The following MORC1 variants were observed in gnomAD, a reference collection of about 807,000 sequenced individuals.
The protein encoded by MORC1 is MORC family CW-type zinc finger protein 1.
In MORC1, 59 loss-of-function variants were observed where a neutral mutation model predicts 134.9. The ratio of observed to expected loss-of-function variants is 0.44; its 90% CI spans 0.35 to 0.54. The LOEUF is 0.54. Ranked by LOEUF, MORC1 falls within the 20% of genes least tolerant of loss-of-function variation. MORC1 has a pLI of 0.00. For missense variants in MORC1, 947 were observed against 1,134.5 expected (o/e 0.83, Z 2.37); for synonymous variants, 395 against 391.7 (o/e 1.01, Z -0.10).
At chr3:109,098,492 C>A (rs994201711) in intron 6 of MORC1, among the ~76,000 whole-genome samples, 2 of 152,292 alleles carry the variant, frequency 1.3e-5, no homozygotes, top group East Asian at 1.9e-4. Context: ...CAGTCCTACA[C>A]CGTCCATCCA....
chr3:109,069,883 A>G (rs1037458638), intron 8 of MORC1, 126 bp from the exon 9 acceptor site: 3 of 1,008,762 alleles, frequency 3.0e-6, no homozygotes, highest in Non-Finnish European at 4.1e-6. Flanking sequence ...CTTTTCTTCT[A>G]AAACTAATGA....
Position 108,958,299 on chromosome 3 carries a change from C to G in MORC1, c.*666G>C, listed in dbSNP as rs1422592442. Reference sequence around the variant, plus strand: ...GTCTAAAGTTTCAGACATTTCTAAACAAAAAAAAAACACTTATCAAGAAAA... The same window carrying G: ...GTCTAAAGTTTCAGACATTTCTAAAGAAAAAAAAAACACTTATCAAGAAAA... On this transcript the variant is annotated 3_prime_UTR_variant, in exon 28 of 28. Coordinates refer to ENST00000232603, the MANE Select transcript of MORC1 (RefSeq NM_014429.4). 7.1e-6 allele frequency: 1 copy of G among 140,082 alleles called. No homozygotes were observed. Among genetic ancestry groups the G allele is most frequent in the Non-Finnish European group, 1.6e-5 (1 of 63,772 alleles). 8.7% of individuals were successfully genotyped at this position (140,082 alleles called of 1,614,324 possible).
At chr3:109,058,594 T>C (rs749757980) in intron 12 of MORC1, among the ~76,000 whole-genome samples, 2 of 152,060 alleles carry the variant, frequency 1.3e-5, no homozygotes, top group Non-Finnish European at 2.9e-5. Flanking sequence ...ATGATATATA[T>C]ATATAGAACA....
At chr3:109,000,512 A>G (rs899520823) in intron 21 of MORC1, 45 bp downstream of exon 21, 1 of 1,394,870 alleles carries the variant, frequency 7.2e-7, no homozygotes, top group Non-Finnish European at 9.9e-7. Context: ...AATCTTTGTG[A>G]ATATGAAAAT....
intron 17 of MORC1, among the ~76,000 whole-genome samples, chr3:109,020,696 C>T (rs1948936756): frequency 6.8e-6 from 1 of 147,802 alleles, no homozygotes; most frequent in Admixed American, 6.8e-5. Context: ...AACCCGGGGG[C>T]AGAGCTTGCA....
intron 17 of MORC1, among the ~76,000 whole-genome samples, chr3:109,025,390 T>C (rs1284338811): frequency 6.4e-5 from 9 of 139,746 alleles, no homozygotes; most frequent in Middle Eastern, 3.6e-3. Context: ...TTTTTTTTTT[T>C]TTTTTTTTTT....
At chr3:109,111,043 T>A (rs1307572229) in intron 2 of MORC1, among the ~76,000 whole-genome samples, 3 of 65,230 alleles carry the variant, frequency 4.6e-5, no homozygotes, top group Non-Finnish European at 6.5e-5. Flanking sequence ...ACAAAATGGA[T>A]ATAATTTAAA....
At chr3:108,978,960 A>C (rs1947638140) in intron 24 of MORC1, among the ~76,000 whole-genome samples, 1 of 152,036 alleles carries the variant, frequency 6.6e-6, no homozygotes. Context: ...GACTTCTTTG[A>C]CTTGATTTTA....
chr3:109,009,204 G>GT lies in MORC1; in HGVS notation c.1705-2114dup, dbSNP rs1207320361. On this transcript the variant is annotated intron_variant, in intron 17 of 27. Coordinates refer to ENST00000232603, the MANE Select transcript of MORC1 (RefSeq NM_014429.4). The stretch of plus-strand genomic sequence containing the variant: ...GTTCTTTCCTATTTTTACGTTTTTT[G>GT]TTGTTTTTTTTTTTTTTTTTGAGAC... Among the ~76,000 whole-genome samples, 259 of 96,776 alleles carry GT rather than the reference G, an allele frequency of 2.7e-3. 9 individuals are homozygous for GT. Among genetic ancestry groups the GT allele is most frequent in the Middle Eastern group, 7.4e-3 (1 of 136 alleles). 63.5% of individuals were successfully genotyped at this position (96,776 alleles called of 152,430 possible). A position where few individuals can be genotyped will look rare whatever the true frequency, so the allele number is the denominator to read the frequency against.
At chr3:109,007,783 T>C (rs949451303) in intron 17 of MORC1, among the ~76,000 whole-genome samples, 1 of 152,218 alleles carries the variant, frequency 6.6e-6, no homozygotes, top group Non-Finnish European at 1.5e-5. Context: ...TAGTCACATA[T>C]GACAACACAT....
At chr3:109,089,113 T>G (rs1205757482) in intron 8 of MORC1, among the ~76,000 whole-genome samples, 3 of 152,094 alleles carry the variant, frequency 2.0e-5, no homozygotes, top group Non-Finnish European at 2.9e-5. Flanking sequence ...TGTTGGCTAT[T>G]GGGCTTAATA....
At chr3:109,048,506 A>G (rs932760351) in intron 14 of MORC1, among the ~76,000 whole-genome samples, 1 of 152,142 alleles carries the variant, frequency 6.6e-6, no homozygotes, top group African/African-American at 2.4e-5. Context: ...TTTCATTATA[A>G]TATTCTCTTT....
chr3:109,073,156 T>C (rs1048110221), intron 8 of MORC1, among the ~76,000 whole-genome samples: 2 of 152,226 alleles, frequency 1.3e-5, no homozygotes, highest in Non-Finnish European at 2.9e-5. Context: ...CTGTGCTTTC[T>C]GTGTGGCCTC....
chr3:109,053,673 A>G (rs890647895), intron 14 of MORC1, among the ~76,000 whole-genome samples: 1 of 152,218 alleles, frequency 6.6e-6, no homozygotes, highest in South Asian at 2.1e-4. Context: ...ATTGGGTACT[A>G]TGCTCAACAC....
intron 24 of MORC1, among the ~76,000 whole-genome samples, chr3:108,972,065 A>G (rs377709323): frequency 6.6e-6 from 1 of 152,304 alleles, no homozygotes; most frequent in East Asian, 1.9e-4. Context: ...TAATTTTTGC[A>G]TAAGGGACTC....
rs1240837492 is a variant in MORC1, at chr3:108,959,017, T to G, written c.2903A>C (p.Asp968Ala). ...TTCTAAAGGGAGTCTATGTCTTGCATCTATAGTTACTTTATTTAAATTGTT... is the reference window on the plus strand; with the variant it reads ...TTCTAAAGGGAGTCTATGTCTTGCAGCTATAGTTACTTTATTTAAATTGTT... ...FQNNLNKVTI[D>A]ARHRLPLEKN... The change falls in exon 28 of 28, where the codon GAT (aspartate) becomes GCT (alanine). Residue 968 changes from aspartate (D) to alanine (A), a missense_variant. Asp to Ala is a moderately radical substitution (Grantham distance 126). Around this residue, in one of 3 missense-constraint regions of MORC1, gnomAD observed 722 missense variants for 817.0 expected, o/e 0.88. Transcript: ENST00000232603. The G allele has an allele frequency of 1.9e-6, 3 of 1,551,382 alleles. No individual in the cohort carries two copies. In the East Asian group the frequency reaches 7.4e-5, roughly 38 times the overall value.
chr3:109,004,804 A>C lies in MORC1; in HGVS notation c.2085+13T>G, dbSNP rs773828117. 1 of 1,610,576 alleles carries C rather than the reference A, an allele frequency of 6.2e-7. No homozygotes were observed. The highest frequency in any genetic ancestry group is 1.1e-5 in the South Asian group (1 of 90,384). ...TTTCTCCCTTAAATACAAATTTAAAAGCCTTTTCCCACCTGGGCATTCTTC... is the reference window on the plus strand; with the variant it reads ...TTTCTCCCTTAAATACAAATTTAAACGCCTTTTCCCACCTGGGCATTCTTC... On this transcript the variant is annotated intron_variant, in intron 20 of 27. Coordinates refer to ENST00000232603, the MANE Select transcript of MORC1 (RefSeq NM_014429.4).
At chr3:109,080,983 T>A (rs1950509551) in intron 8 of MORC1, among the ~76,000 whole-genome samples, 2 of 152,164 alleles carry the variant, frequency 1.3e-5, no homozygotes, top group Non-Finnish European at 2.9e-5. Context: ...AATATAGATT[T>A]ATTAGAACAA....
At chr3:109,110,280 G>A (rs1346139384) in intron 3 of MORC1, 1 of 154,464 alleles carries the variant, frequency 6.5e-6, no homozygotes, top group African/African-American at 2.4e-5. Context: ...ATAGTCTAAT[G>A]AGATAACTAG....
Sources: gnomAD v4.1 joint callset for allele counts (sites outside exome capture counted in the v4.1 genomes callset) on GRCh38, gnomAD v4.1.1 for gene constraint, gnomAD v4.1.1 regional missense constraint, MANE v1.5 for transcripts, NCBI Gene and HGNC (gene_info 2026-07-23, HGNC 2026-07-21) for gene names.